Variants in TENM2 observed in about 807,000 individuals in gnomAD.
TENM2 encodes the protein teneurin transmembrane protein 2.
A neutral mutation model predicts 245.2 loss-of-function variants in TENM2; 52 were observed. That is an observed-to-expected ratio of 0.21 (90% CI 0.17 to 0.27). The LOEUF is 0.27. Ranked by LOEUF, TENM2 falls within the 10% of genes least tolerant of loss-of-function variation. The probability of loss-of-function intolerance (pLI) is 1.00; values close to 1 mark genes in which losing one functional copy is unlikely to be tolerated. For missense variants in TENM2, 3,046 were observed against 3,666.8 expected, an observed-to-expected ratio of 0.83 and a Z score of 4.37; for synonymous variants, 1,363 against 1,438.9, an observed-to-expected ratio of 0.95 and a Z score of 1.19.
intron 15 of TENM2, among the ~76,000 whole-genome samples, chr5:168,195,788 A>T (rs1199100264): frequency 1.3e-5 from 2 of 151,778 alleles, no homozygotes; most frequent in Non-Finnish European, 2.9e-5. Flanking sequence ...TACTGTTTGG[A>T]GGGGGTGGCG....
intron 8 of TENM2, among the ~76,000 whole-genome samples, chr5:168,091,794 G>GC (rs1049111388): frequency 1.3e-5 from 2 of 152,140 alleles, no homozygotes; most frequent in Non-Finnish European, 2.9e-5. Context: ...CACTGGGGAA[G>GC]CCCCCACAGG....
intron 2 of TENM2, among the ~76,000 whole-genome samples, chr5:167,676,419 G>T (rs1756333449): frequency 6.6e-6 from 1 of 152,018 alleles, no homozygotes; most frequent in African/African-American, 2.4e-5. Context: ...GGGTGAAAAG[G>T]GAAAACTCAA....
At chr5:167,310,115 G>C (rs1755933884) in intron 1 of TENM2, among the ~76,000 whole-genome samples, 2 of 152,208 alleles carry the variant, frequency 1.3e-5, no homozygotes, top group African/African-American at 4.8e-5. Flanking sequence ...CCAAAGCGTA[G>C]TGCTTACTCA....
At chr5:167,777,150 A>T (rs1490368338) in intron 2 of TENM2, among the ~76,000 whole-genome samples, 2 of 152,206 alleles carry the variant, frequency 1.3e-5, no homozygotes, top group Non-Finnish European at 2.9e-5. Flanking sequence ...TATGTTTTAC[A>T]GAGGAGACAG....
intron 7 of TENM2, among the ~76,000 whole-genome samples, chr5:168,073,509 C>T (rs1791203155): frequency 6.6e-6 from 1 of 152,190 alleles, no homozygotes; most frequent in Non-Finnish European, 1.5e-5. Context: ...CTAATGGGGA[C>T]ATACCTTTTC....
rs182774518 is a variant in TENM2, at chr5:167,382,300, T to A, written c.502+6827T>A. 5.1e-4 allele frequency among the ~76,000 whole-genome samples: 77 copies of A among 152,188 alleles called. No individual in the cohort carries two copies. In the East Asian group the frequency reaches 0.014, roughly 27 times the overall value. ...AAATGGTTTATGGGGTCTGTAACAA[T>A]GAAGTTGGAGACAATAAAGCGAAGG... On this transcript the variant is annotated intron_variant, in intron 2 of 28. Transcript: ENST00000518659.
In TENM2 at chr5:167,681,805, G is replaced by A. The variant is rs1023022551; in HGVS notation, c.503-194181G>A. Among the ~76,000 whole-genome samples, 21 of 151,992 alleles carry A rather than the reference G, an allele frequency of 1.4e-4. 1 individual carries two copies. Among genetic ancestry groups the A allele is most frequent in the Admixed American group, 3.3e-4 (5 of 15,240 alleles). On this transcript the variant is annotated intron_variant, in intron 2 of 28. Coordinates refer to ENST00000518659, the Ensembl canonical transcript of TENM2. Reference sequence around the variant, plus strand: ...ATCCTCATCAAAACTGGCCAAGGTAGGAAAAACATTTTTATCTCTTTCAAT... The same window carrying A: ...ATCCTCATCAAAACTGGCCAAGGTAAGAAAAACATTTTTATCTCTTTCAAT...
chr5:167,851,298 G>A (rs1042857559), intron 2 of TENM2, among the ~76,000 whole-genome samples: 3 of 152,136 alleles, frequency 2.0e-5, no homozygotes, highest in African/African-American at 7.2e-5. Flanking sequence ...TGCCTTGCAA[G>A]AAAAGCTAGA....
intron 28 of TENM2, among the ~76,000 whole-genome samples, chr5:168,261,197 C>T (rs1176837719): frequency 6.6e-6 from 1 of 152,164 alleles, no homozygotes; most frequent in African/African-American, 2.4e-5. Context: ...CAGCCTCTCC[C>T]ATTATCCCAG....
At chr5:167,762,686 TACTC>T (rs1582942815) in intron 2 of TENM2, among the ~76,000 whole-genome samples, 1 of 152,220 alleles carries the variant, frequency 6.6e-6, no homozygotes, top group Admixed American at 6.5e-5. Context: ...CACCACAACT[TACTC>T]AATCTATTAT....
intron 2 of TENM2, among the ~76,000 whole-genome samples, chr5:167,513,038 G>T (rs1770072759): frequency 6.6e-6 from 1 of 152,132 alleles, no homozygotes; most frequent in Non-Finnish European, 1.5e-5. Flanking sequence ...TGATTTTATT[G>T]TGGAAGAGTT....
At chr5:167,592,652 A>C (rs1456716646) in intron 2 of TENM2, among the ~76,000 whole-genome samples, 3 of 152,092 alleles carry the variant, frequency 2.0e-5, no homozygotes, top group South Asian at 4.1e-4. Context: ...CTTTTGCCCA[A>C]CCCTGGTCCC....
At chr5:167,301,163 A>G (rs879732312) in intron 1 of TENM2, among the ~76,000 whole-genome samples, 2 of 152,194 alleles carry the variant, frequency 1.3e-5, no homozygotes, top group Non-Finnish European at 2.9e-5. Context: ...TTCAGCCGCT[A>G]AGCCGAGAAG....
At chr5:167,475,192 A>T (rs183374266) in intron 2 of TENM2, among the ~76,000 whole-genome samples, 2 of 152,326 alleles carry the variant, frequency 1.3e-5, no homozygotes, top group African/African-American at 4.8e-5. Flanking sequence ...ACTGAAAATT[A>T]TTGAATAATA....
the TENM2 span, among the ~76,000 whole-genome samples, chr5:167,261,264 G>A: frequency 6.6e-6 from 1 of 152,106 alleles, no homozygotes; most frequent in East Asian, 1.9e-4. Context: ...ATATGACACA[G>A]AGGTTATGTC....
chr5:168,005,269 T>A (rs1412804085), intron 5 of TENM2, among the ~76,000 whole-genome samples: 1 of 152,180 alleles, frequency 6.6e-6, no homozygotes, highest in Non-Finnish European at 1.5e-5. Flanking sequence ...GAAAAAGAGC[T>A]GTCTGTCGTG....
At chr5:167,579,547 A>G (rs1199700300) in intron 2 of TENM2, among the ~76,000 whole-genome samples, 2 of 152,186 alleles carry the variant, frequency 1.3e-5, no homozygotes, top group African/African-American at 4.8e-5. Context: ...TGACGGTTCG[A>G]CAGTCGTAGC....
chr5:168,056,010 T>G (rs2152072710), intron 6 of TENM2, among the ~76,000 whole-genome samples: 1 of 152,364 alleles, frequency 6.6e-6, no homozygotes, highest in South Asian at 2.1e-4. Context: ...AAATCTTAAC[T>G]ACTTTGTTTC....
chr5:167,986,783 C>A (rs993236054), intron 4 of TENM2, among the ~76,000 whole-genome samples: 1 of 152,178 alleles, frequency 6.6e-6, no homozygotes, highest in African/African-American at 2.4e-5. Flanking sequence ...ACACACTGAG[C>A]AGGCCTCTGA....
Sources: gnomAD v4.1 joint callset for allele counts (sites outside exome capture counted in the v4.1 genomes callset) on GRCh38, gnomAD v4.1.1 for gene constraint, MANE v1.5 for transcripts, NCBI Gene and HGNC (gene_info 2026-07-23, HGNC 2026-07-21) for gene names.